Variants in GULP1 observed in about 807,000 individuals in gnomAD.
GULP1 encodes PTB domain-containing engulfment adapter protein 1.
Under a neutral mutation model 40.9 loss-of-function variants are expected in GULP1, and 19 were observed. The observed-to-expected ratio is 0.46, with a 90% CI of 0.32 to 0.68. The LOEUF (loss-of-function observed/expected upper bound fraction) is 0.68. Among genes scored for constraint, GULP1 ranks in the 30% least tolerant of loss-of-function variants. The probability of loss-of-function intolerance (pLI) is 0.03; values close to 1 mark genes in which losing one functional copy is unlikely to be tolerated. For missense variants in GULP1, 312 were observed against 362.2 expected, an observed-to-expected ratio of 0.86 and a Z score of 1.12; for synonymous variants, 119 against 117.6, an observed-to-expected ratio of 1.01 and a Z score of -0.08.
intron 2 of GULP1, among the ~76,000 whole-genome samples, chr2:188,414,860 A>T (rs911569879): frequency 1.3e-5 from 2 of 152,186 alleles, no homozygotes; most frequent in South Asian, 4.1e-4. Context: ...CTTAAGTATA[A>T]TTAATCTGCC....
intron 2 of GULP1, among the ~76,000 whole-genome samples, chr2:188,446,389 T>C (rs74980334): frequency 0.02 from 3,013 of 152,250 alleles, 96 homozygotes; most frequent in African/African-American, 0.069. Context: ...TAAGACCCTA[T>C]TATGCAAACC....
chr2:188,541,941 C>G (rs1391530240), intron 7 of GULP1: 2 of 152,674 alleles, frequency 1.3e-5, no homozygotes, highest in African/African-American at 2.4e-5. Context: ...AACTCTGTCT[C>G]TACTAAAAAT....
chr2:188,470,562 C>T (rs899464588), intron 2 of GULP1, among the ~76,000 whole-genome samples: 1 of 151,880 alleles, frequency 6.6e-6, no homozygotes, highest in African/African-American at 2.4e-5. Flanking sequence ...TATAAACTTC[C>T]CTCTTAGTAC....
intron 10 of GULP1, among the ~76,000 whole-genome samples, chr2:188,584,824 A>C (rs1702031520): frequency 6.6e-6 from 1 of 152,024 alleles, no homozygotes; most frequent in African/African-American, 2.4e-5. Flanking sequence ...AAAATATATA[A>C]ATTATATCAT....
intron 1 of GULP1, among the ~76,000 whole-genome samples, chr2:188,372,786 T>C (rs2047767536): frequency 1.3e-5 from 2 of 152,000 alleles, no homozygotes; most frequent in Admixed American, 1.3e-4. Flanking sequence ...GCCATATCAT[T>C]GGGTCTTGGA....
chr2:188,304,911 T>C (rs975736116), intron 1 of GULP1, among the ~76,000 whole-genome samples: 6 of 152,244 alleles, frequency 3.9e-5, no homozygotes, highest in South Asian at 2.1e-4. Context: ...TGGGTTTTTT[T>C]CCCCATCAAT....
At chr2:188,302,852 T>A (rs1167429071) in intron 1 of GULP1, among the ~76,000 whole-genome samples, 2 of 152,206 alleles carry the variant, frequency 1.3e-5, no homozygotes, top group African/African-American at 2.4e-5. Flanking sequence ...CTCATCACCC[T>A]AACCTTCATT....
intron 6 of GULP1, among the ~76,000 whole-genome samples, chr2:188,532,252 TGTTA>T (rs1275898522): frequency 6.6e-6 from 1 of 152,240 alleles, no homozygotes; most frequent in Non-Finnish European, 1.5e-5. Context: ...TCAAATTTTT[TGTTA>T]GTTGATAATC....
chr2:188,493,834 ACT>A (rs1048998037), intron 4 of GULP1, among the ~76,000 whole-genome samples: 18 of 151,344 alleles, frequency 1.2e-4, no homozygotes, highest in Non-Finnish European at 1.5e-4. Flanking sequence ...CATTTGATAA[ACT>A]CTCCTTCAGT....
At chr2:188,364,533 G>A (rs1485552166) in intron 1 of GULP1, among the ~76,000 whole-genome samples, 1 of 152,102 alleles carries the variant, frequency 6.6e-6, no homozygotes, top group Non-Finnish European at 1.5e-5. Context: ...CAGCTATGGA[G>A]CATTATCATT....
At chr2:188,323,012 C>T (rs2040220765) in intron 1 of GULP1, among the ~76,000 whole-genome samples, 1 of 152,090 alleles carries the variant, frequency 6.6e-6, no homozygotes, top group Admixed American at 6.6e-5. Context: ...CTACTTGATA[C>T]AAACTGGACA....
rs145295184 is a variant in GULP1, at chr2:188,455,529, T to C, written c.-44-22130T>C. On this transcript the variant is annotated intron_variant, in intron 2 of 11. Transcript: ENST00000409830. ...TGCCATCCACACAGGATGTGACTTGTTCCTCCTTGCCTTCTGCCATGATTT... is the reference window on the plus strand; with the variant it reads ...TGCCATCCACACAGGATGTGACTTGCTCCTCCTTGCCTTCTGCCATGATTT... Among the ~76,000 whole-genome samples, 146 of 152,282 alleles carry C rather than the reference T, an allele frequency of 9.6e-4. 1 individual carries two copies. Among genetic ancestry groups the C allele is most frequent in the Non-Finnish European group, 1.6e-3 (109 of 68,022 alleles).
intron 1 of GULP1, among the ~76,000 whole-genome samples, chr2:188,337,463 A>G (rs1438869181): frequency 6.7e-6 from 1 of 149,108 alleles, no homozygotes; most frequent in Non-Finnish European, 1.5e-5. Flanking sequence ...TGCATCTAGA[A>G]TGCAGGCATA....
chr2:188,465,949 A>T (rs1559273189), intron 2 of GULP1, among the ~76,000 whole-genome samples: 2 of 151,124 alleles, frequency 1.3e-5, no homozygotes, highest in Admixed American at 1.3e-4. Context: ...TTTGGCTCTT[A>T]TGAAGGTGTG....
chr2:188,378,245 C>T (rs535267851), intron 1 of GULP1, among the ~76,000 whole-genome samples: 9 of 147,478 alleles, frequency 6.1e-5, no homozygotes, highest in Non-Finnish European at 1.2e-4. Flanking sequence ...CGCTACTTTG[C>T]TTCAATTCTA....
At chr2:188,425,008 T>C (rs1001248252) in intron 2 of GULP1, among the ~76,000 whole-genome samples, 1 of 152,050 alleles carries the variant, frequency 6.6e-6, no homozygotes, top group Non-Finnish European at 1.5e-5. Flanking sequence ...TTGGCTTGTT[T>C]CTTTTTTTCG....
At chr2:188,322,996 C>T (rs2040215804) in intron 1 of GULP1, among the ~76,000 whole-genome samples, 1 of 152,064 alleles carries the variant, frequency 6.6e-6, no homozygotes, top group South Asian at 2.1e-4. Flanking sequence ...GTTCTCATTC[C>T]TCCCCCTACT....
intron 1 of GULP1, among the ~76,000 whole-genome samples, chr2:188,351,518 A>G (rs2044442394): frequency 6.6e-6 from 1 of 152,152 alleles, no homozygotes; most frequent in South Asian, 2.1e-4. Context: ...AAGTAGGAAA[A>G]ATGTTAAATT....
chr2:188,532,914 G>A (rs1403073960), intron 6 of GULP1, among the ~76,000 whole-genome samples: 1 of 152,022 alleles, frequency 6.6e-6, no homozygotes, highest in African/African-American at 2.4e-5. Context: ...GTGTGAGACT[G>A]TCTCACATAA....
Sources: gnomAD v4.1 joint callset for allele counts (sites outside exome capture counted in the v4.1 genomes callset) on GRCh38, gnomAD v4.1.1 for gene constraint, MANE v1.5 for transcripts, NCBI Gene and HGNC (gene_info 2026-07-23, HGNC 2026-07-21) for gene names.